Variants in WWOX observed in about 807,000 individuals in gnomAD.
WWOX encodes WW domain-containing oxidoreductase.
Under a neutral mutation model 46.2 loss-of-function variants are expected in WWOX, and 69 were observed. The observed-to-expected ratio is 1.49, with a 90% CI of 1.23 to 1.82. The LOEUF is 1.82. WWOX is among the 40% of genes most tolerant of loss of function. The pLI is 0.00. For synonymous variants in WWOX, 359 were observed against 202.6 expected, an observed-to-expected ratio of 1.77 and a Z score of -6.56; for missense variants, 919 against 542.6, an observed-to-expected ratio of 1.69 and a Z score of -6.89.
intron 5 of WWOX, chr16:78,168,157 C>T (rs182678694): frequency 1.3e-5 from 2 of 152,288 alleles, no homozygotes; most frequent in African/African-American, 4.8e-5. Context: ...TGTCATGTGC[C>T]AAGGCTCCGT....
At chr16:78,923,935 G>A (rs2045439329) in intron 8 of WWOX, among the ~76,000 whole-genome samples, 2 of 151,844 alleles carry the variant, frequency 1.3e-5, no homozygotes, top group Non-Finnish European at 2.9e-5. Context: ...GAGCAGCTGG[G>A]AGTACAGGTG....
At chr16:78,319,327 C>G (rs1283848032) in intron 5 of WWOX, among the ~76,000 whole-genome samples, 1 of 152,160 alleles carries the variant, frequency 6.6e-6, no homozygotes, top group Non-Finnish European at 1.5e-5. Context: ...TGCTCTCGCC[C>G]AAGCTGGAGT....
chr16:78,684,359 A>G (rs953055814), intron 8 of WWOX, among the ~76,000 whole-genome samples: 8 of 152,194 alleles, frequency 5.3e-5, no homozygotes, highest in South Asian at 2.1e-4. Flanking sequence ...CCTATGAACC[A>G]TGAGGGTTTT....
intron 5 of WWOX, among the ~76,000 whole-genome samples, chr16:78,199,603 A>T (rs371279243): frequency 3.3e-4 from 50 of 152,216 alleles, no homozygotes; most frequent in African/African-American, 1.2e-3. Flanking sequence ...CCATTCGCTC[A>T]CTAGCAGCTT....
chr16:78,645,418 G>C (rs1185059958), intron 8 of WWOX, among the ~76,000 whole-genome samples: 1 of 152,260 alleles, frequency 6.6e-6, no homozygotes, highest in African/African-American at 2.4e-5. Flanking sequence ...TAGTCCTTTT[G>C]TGTTGCTATA....
chr16:78,566,166 A>G (rs1196839977), intron 8 of WWOX, among the ~76,000 whole-genome samples: 2 of 151,924 alleles, frequency 1.3e-5, no homozygotes, highest in Admixed American at 6.6e-5. Flanking sequence ...TTTCTCTTAT[A>G]AGGATACTAA....
intron 8 of WWOX, among the ~76,000 whole-genome samples, chr16:79,196,852 C>G (rs1022375484): frequency 6.6e-6 from 1 of 152,126 alleles, no homozygotes; most frequent in Non-Finnish European, 1.5e-5. Context: ...ATAATGAAGT[C>G]TAAGGTCTGG....
At chr16:78,709,248 C>T (rs996596439) in intron 8 of WWOX, among the ~76,000 whole-genome samples, 30 of 152,306 alleles carry the variant, frequency 2.0e-4, no homozygotes, top group East Asian at 1.9e-4. Flanking sequence ...GCTTTTATCC[C>T]GTAATCTCTG....
In WWOX at chr16:78,907,815, G is replaced by C. The variant is rs148617592; in HGVS notation, c.1057-303793G>C. Among the ~76,000 whole-genome samples the C allele has an allele frequency of 1.1e-3, 165 of 152,260 alleles. 2 individuals are homozygous for C. Among genetic ancestry groups the C allele is most frequent in the African/African-American group, 3.6e-3 (151 of 41,540 alleles). On this transcript the variant is annotated intron_variant, in intron 8 of 8. Coordinates refer to ENST00000566780, the MANE Select transcript of WWOX (RefSeq NM_016373.4). ...AATGGAGCCAGTCCTAGGGAAACAG[G>C]ACTACCAGGAATCCTCACCAGCCCC...
intron 8 of WWOX, among the ~76,000 whole-genome samples, chr16:78,694,832 T>A (rs564310098): frequency 1.3e-5 from 2 of 152,328 alleles, no homozygotes; most frequent in East Asian, 3.9e-4. Context: ...CTCTTTTTTT[T>A]TTTCCGCTGC....
At chr16:78,492,998 A>C (rs1478423111) in intron 8 of WWOX, among the ~76,000 whole-genome samples, 5 of 152,074 alleles carry the variant, frequency 3.3e-5, no homozygotes, top group African/African-American at 1.2e-4. Flanking sequence ...AGCATGGGAG[A>C]TACTCTTTAC....
At chr16:78,772,283 C>T (rs1001376948) in intron 8 of WWOX, among the ~76,000 whole-genome samples, 2 of 152,184 alleles carry the variant, frequency 1.3e-5, no homozygotes, top group Non-Finnish European at 2.9e-5. Context: ...GTAAGTGAGG[C>T]CATGCAGTAT....
intron 8 of WWOX, among the ~76,000 whole-genome samples, chr16:78,438,062 A>G (rs780685204): frequency 1.3e-5 from 2 of 152,176 alleles, no homozygotes; most frequent in African/African-American, 4.8e-5. Flanking sequence ...GGGTTTTTGC[A>G]GTTGTAACCA....
chr16:78,945,168 AC>A (rs1711567026), intron 8 of WWOX, among the ~76,000 whole-genome samples: 1 of 152,152 alleles, frequency 6.6e-6, no homozygotes, highest in African/African-American at 2.4e-5. Flanking sequence ...TGACAGAGTG[AC>A]ACCCTGTGTC....
Position 78,540,972 on chromosome 16 carries a change from T to C in WWOX, c.1056+108220T>C, listed in dbSNP as rs1291550515. Reference sequence around the variant, plus strand: ...AAGCGCTGGGACCAATAGAGATTTCTCTGAGAATTAGGTCCCCCACTATTA... The same window carrying C: ...AAGCGCTGGGACCAATAGAGATTTCCCTGAGAATTAGGTCCCCCACTATTA... On this transcript the variant is annotated intron_variant, in intron 8 of 8. Transcript: ENST00000566780. Among the ~76,000 whole-genome samples, 5 of 152,248 alleles carry C rather than the reference T, an allele frequency of 3.3e-5. No homozygotes were observed. The South Asian group carries it at 1.0e-3, about 32-fold the overall frequency.
chr16:78,821,069 C>A (rs920302863), intron 8 of WWOX, among the ~76,000 whole-genome samples: 5 of 152,130 alleles, frequency 3.3e-5, no homozygotes, highest in African/African-American at 4.8e-5. Flanking sequence ...AAGTCACATT[C>A]GTTGGTTCTG....
chr16:79,030,841 G>A (rs1428676958), intron 8 of WWOX, among the ~76,000 whole-genome samples: 1 of 152,122 alleles, frequency 6.6e-6, no homozygotes, highest in East Asian at 1.9e-4. Context: ...CTAGCACTTT[G>A]GGAGGCTGAG....
At chr16:78,712,014 C>G (rs748658872) in intron 8 of WWOX, among the ~76,000 whole-genome samples, 1 of 152,164 alleles carries the variant, frequency 6.6e-6, no homozygotes, top group East Asian at 1.9e-4. Flanking sequence ...GAAGCCCCAA[C>G]GTCCTCCCAA....
chr16:78,909,947 C>T (rs1407680000), intron 8 of WWOX, among the ~76,000 whole-genome samples: 3 of 152,190 alleles, frequency 2.0e-5, no homozygotes, highest in Non-Finnish European at 4.4e-5. Context: ...GTTTCATCTT[C>T]TCTCCCTGGT....
Sources: gnomAD v4.1 joint callset for allele counts (sites outside exome capture counted in the v4.1 genomes callset) on GRCh38, gnomAD v4.1.1 for gene constraint, MANE v1.5 for transcripts, NCBI Gene and HGNC (gene_info 2026-07-23, HGNC 2026-07-21) for gene names.